The following LPP variants were observed in gnomAD, a reference collection of about 807,000 sequenced individuals.
LPP encodes LIM domain containing preferred translocation partner in lipoma.
In LPP, 38 loss-of-function variants were observed where a neutral mutation model predicts 60.4. The ratio of observed to expected loss-of-function variants is 0.63; its 90% CI spans 0.49 to 0.83. The LOEUF (loss-of-function observed/expected upper bound fraction) is 0.83, where lower values mean the gene tolerates loss of function less well. Ranked by LOEUF, LPP falls within the 40% of genes least tolerant of loss-of-function variation. The pLI is 0.00. For synonymous variants in LPP, 328 were observed against 290.8 expected, an observed-to-expected ratio of 1.13 and a Z score of -1.30; for missense variants, 902 against 783.6, an observed-to-expected ratio of 1.15 and a Z score of -1.80.
At chr3:188,843,553 C>T (rs1760588548) in intron 9 of LPP, among the ~76,000 whole-genome samples, 1 of 151,596 alleles carries the variant, frequency 6.6e-6, no homozygotes, top group Non-Finnish European at 1.5e-5. Flanking sequence ...TTCGGGAGGC[C>T]GAGGCGGGCG....
chr3:188,872,757 A>G lies in LPP; in HGVS notation c.1704A>G (p.Arg568=). Residue 568 remains arginine (R), a synonymous_variant, in exon 11 of 12, where the codon CGA becomes CGG. Transcript: ENST00000617246. ...LDRDFHVHCY[R]CEDCGGLLSE... is the part of the protein sequence containing the mutation. ...GAGATTTCCATGTTCACTGCTACCG[A>G]TGCGAGGTCTGGTTGACAGCCCTGC... The G allele has an allele frequency of 6.2e-7, 1 of 1,614,034 alleles. No individual in the cohort carries two copies. Among genetic ancestry groups the G allele is most frequent in the East Asian group, 2.2e-5 (1 of 44,858 alleles).
At chr3:188,558,049 C>T (rs1195528985) in intron 6 of LPP, among the ~76,000 whole-genome samples, 1 of 152,102 alleles carries the variant, frequency 6.6e-6, no homozygotes, top group Non-Finnish European at 1.5e-5. Context: ...GTTTACTCCA[C>T]ATAGGCACTC....
intron 2 of LPP, among the ~76,000 whole-genome samples, chr3:188,263,926 A>G (rs980102786): frequency 6.6e-6 from 1 of 152,094 alleles, no homozygotes; most frequent in Non-Finnish European, 1.5e-5. Context: ...GTGAATCCTC[A>G]CTGATTTTGT....
rs921708890 is a variant in LPP at position 188,549,063 on chromosome 3, A to C, written c.429+24276A>C. On this transcript the variant is annotated intron_variant, in intron 6 of 11. Coordinates refer to ENST00000617246, the MANE Select transcript of LPP (RefSeq NM_001375462.1). ...AAATGATAAATATTTGAGATGATGA[A>C]TGTGCTAATTACCCTGATTTGATCA... 2.0e-5 allele frequency among the ~76,000 whole-genome samples: 3 copies of C among 152,316 alleles called. No individual in the cohort carries two copies. The South Asian group carries it at 6.2e-4, about 32-fold the overall frequency.
chr3:188,832,019 T>C (rs1450700599), intron 9 of LPP, among the ~76,000 whole-genome samples: 1 of 152,188 alleles, frequency 6.6e-6, no homozygotes, highest in Non-Finnish European at 1.5e-5. Context: ...GGACCTTAAA[T>C]TTTCTACATA....
chr3:188,284,449 A>AGGGG (rs1433143636), intron 2 of LPP, among the ~76,000 whole-genome samples: 1 of 152,106 alleles, frequency 6.6e-6, no homozygotes, highest in Non-Finnish European at 1.5e-5. Flanking sequence ...AGGAGGCCCA[A>AGGGG]GGGGGAGGTG....
At chr3:188,802,464 T>C (rs3856919) in intron 9 of LPP, among the ~76,000 whole-genome samples, 104,900 of 151,502 alleles carry the variant, frequency 0.69, 36,613 homozygotes, top group East Asian at 0.86. Flanking sequence ...TTAAATGACA[T>C]CCAGTGAATG....
chr3:188,480,788 G>A (rs569096095), intron 4 of LPP, among the ~76,000 whole-genome samples: 13 of 152,160 alleles, frequency 8.5e-5, no homozygotes, highest in Non-Finnish European at 1.9e-4. Context: ...GACAGGGCAT[G>A]CACTAATATG....
chr3:188,449,716 G>A (rs779746412), intron 4 of LPP, among the ~76,000 whole-genome samples: 45 of 151,996 alleles, frequency 3.0e-4, no homozygotes, highest in Non-Finnish European at 5.1e-4. Flanking sequence ...CTGTGCTATC[G>A]ATCTGATCTT....
At position 188,609,755 on chromosome 3, in the gene LPP, C is replaced by T. The variant is rs1461645701; in HGVS notation, c.1024C>T (p.Pro342Ser). 1.2e-6 allele frequency: 2 copies of T among 1,613,972 alleles called. No individual in the cohort carries two copies. The highest frequency in any genetic ancestry group is 1.7e-6 in the Non-Finnish European group (2 of 1,180,012). Residue 342 changes from proline to serine, a missense_variant, in exon 7 of 12, where the codon CCT becomes TCT. Physicochemically the swap from Pro to Ser is moderately conservative, Grantham distance 74 (BLOSUM62 -1). Coordinates refer to ENST00000617246, the MANE Select transcript of LPP (RefSeq NM_001375462.1). This position sits in a 1 kb window ranked among gnomAD's most constrained non-coding sequence, Gnocchi z 6.9. ...TCCTCCTGGAGCAGGGAACCAGAAC[C>T]CTCCTGGGATGTATCCAGTCACTGG... ...YTPPGAGNQN[P>S]PGMYPVTGPK...
intron 2 of LPP, among the ~76,000 whole-genome samples, chr3:188,302,076 G>A (rs966464428): frequency 6.6e-6 from 1 of 152,036 alleles, no homozygotes; most frequent in Non-Finnish European, 1.5e-5. Context: ...GAGCTGCTTG[G>A]AACTTGATTT....
intron 7 of LPP, among the ~76,000 whole-genome samples, chr3:188,619,830 C>T (rs1454931581): frequency 6.6e-6 from 1 of 152,110 alleles, no homozygotes; most frequent in Non-Finnish European, 1.5e-5. Flanking sequence ...GAAGTTGTGA[C>T]AGTAAGTGGA....
chr3:188,450,878 A>G (rs1445019308), intron 4 of LPP, among the ~76,000 whole-genome samples: 1 of 152,106 alleles, frequency 6.6e-6, no homozygotes, highest in Non-Finnish European at 1.5e-5. Context: ...CCTCAAAGTG[A>G]GGTAGTCATA....
intron 6 of LPP, among the ~76,000 whole-genome samples, chr3:188,589,106 G>C (rs1352496408): frequency 6.6e-6 from 1 of 151,910 alleles, no homozygotes; most frequent in Non-Finnish European, 1.5e-5. Context: ...ATAGATAGGG[G>C]AGAGGGTGTT....
chr3:188,202,463 G>T (rs1731344898), intron 1 of LPP, among the ~76,000 whole-genome samples: 1 of 152,190 alleles, frequency 6.6e-6, no homozygotes, highest in South Asian at 2.1e-4. Flanking sequence ...CCTGTGTGAG[G>T]CCCATAAGCC....
At chr3:188,524,884 CTT>C (rs1820039449) in intron 6 of LPP, 97 bp downstream of exon 6, 1 of 218,306 alleles carries the variant, frequency 4.6e-6, no homozygotes, top group African/African-American at 7.1e-5. Flanking sequence ...TTTCCCCTTC[CTT>C]CCTTCCGTCC....
At chr3:188,311,545 A>G (rs1753441574) in intron 2 of LPP, among the ~76,000 whole-genome samples, 1 of 152,134 alleles carries the variant, frequency 6.6e-6, no homozygotes, top group Non-Finnish European at 1.5e-5. Flanking sequence ...AAGATAAAAT[A>G]AACTTACGGA....
chr3:188,303,401 C>T (rs1462398257), intron 2 of LPP, among the ~76,000 whole-genome samples: 1 of 152,284 alleles, frequency 6.6e-6, no homozygotes, highest in East Asian at 1.9e-4. Context: ...TAGTACCTGG[C>T]ATGGGATAGG....
Position 188,609,769 on chromosome 3 carries a change from T to A in LPP, c.1038T>A (p.Tyr346Ter), listed in dbSNP as rs770660669. The A allele has an allele frequency of 6.2e-7, 1 of 1,614,038 alleles. No individual in the cohort carries two copies. The highest frequency in any genetic ancestry group is 8.5e-7 in the Non-Finnish European group (1 of 1,179,986). ...GAGNQNPPGMYPVTGPKKTYI... is the reference protein window; with the variant it reads ...GAGNQNPPGM ...GGAACCAGAACCCTCCTGGGATGTA[T>A]CCAGTCACTGGTCCCAAGAAGACCT... The change falls in exon 7 of 12, where the codon TAT (tyrosine) becomes TAA (stop). Residue 346 changes from tyrosine (Y) to a stop codon, truncating the protein, a stop_gained. Coordinates refer to ENST00000617246, the MANE Select transcript of LPP (RefSeq NM_001375462.1). LOFTEE classifies it high-confidence loss of function. This position sits in a 1 kb window ranked among gnomAD's most constrained non-coding sequence, Gnocchi z 6.9.
Sources: allele counts gnomAD v4.1 joint callset (sites outside exome capture counted in the v4.1 genomes callset), GRCh38; gene constraint gnomAD v4.1.1; non-coding constraint Gnocchi (gnomAD v3.1); transcripts MANE v1.5; gene names NCBI Gene and HGNC (gene_info 2026-07-23, HGNC 2026-07-21).